Variants in KCNMA1 observed in about 807,000 individuals in gnomAD.
KCNMA1 encodes Calcium-activated potassium channel subunit alpha-1.
A neutral mutation model predicts 140.0 loss-of-function variants in KCNMA1; 29 were observed. The ratio of observed to expected loss-of-function variants is 0.21; its 90% CI spans 0.15 to 0.28. The LOEUF is 0.28. Among genes scored for constraint, KCNMA1 ranks in the 10% least tolerant of loss-of-function variants. The pLI, the probability that KCNMA1 is intolerant of heterozygous loss-of-function variation, is 1.00. For missense variants in KCNMA1, 880 were observed against 1,602.2 expected, an observed-to-expected ratio of 0.55 and a Z score of 7.70; for synonymous variants, 612 against 611.9, an observed-to-expected ratio of 1.00 and a Z score of 0.00.
chr10:77,554,753 G>A (rs577046659), intron 1 of KCNMA1, among the ~76,000 whole-genome samples: 2 of 152,238 alleles, frequency 1.3e-5, no homozygotes, highest in African/African-American at 2.4e-5. Flanking sequence ...AGGCCTTCCT[G>A]TTCCTGGAAA....
chr10:76,979,968 T>C (rs1430374724), intron 19 of KCNMA1: 1 of 152,210 alleles, frequency 6.6e-6, no homozygotes, highest in Non-Finnish European at 1.5e-5. Flanking sequence ...ATTTAGTATA[T>C]TTCTTAAGGG....
At chr10:77,494,702 G>A (rs1175804654) in intron 1 of KCNMA1, among the ~76,000 whole-genome samples, 1 of 152,204 alleles carries the variant, frequency 6.6e-6, no homozygotes, top group African/African-American at 2.4e-5. Context: ...GAATTCGTCT[G>A]CTGGGGCTGC....
intron 25 of KCNMA1, among the ~76,000 whole-genome samples, chr10:76,894,250 T>C (rs2041537171): frequency 6.6e-6 from 1 of 152,172 alleles, no homozygotes; most frequent in Admixed American, 6.5e-5. Flanking sequence ...TTTAAACAAA[T>C]GGCATAGCAA....
intron 15 of KCNMA1, among the ~76,000 whole-genome samples, chr10:77,028,447 C>G (rs1297725925): frequency 6.6e-6 from 1 of 152,112 alleles, no homozygotes; most frequent in Non-Finnish European, 1.5e-5. Flanking sequence ...GTGCTCTCGA[C>G]TGCAGAGCAG....
At chr10:77,207,224 C>T (rs565817103) in intron 3 of KCNMA1, among the ~76,000 whole-genome samples, 1 of 152,248 alleles carries the variant, frequency 6.6e-6, no homozygotes, top group East Asian at 1.9e-4. Flanking sequence ...ATAGAGGACT[C>T]TCCCTAAACA....
chr10:77,508,628 T>G (rs893293017), intron 1 of KCNMA1, among the ~76,000 whole-genome samples: 7 of 149,996 alleles, frequency 4.7e-5, no homozygotes, highest in African/African-American at 1.7e-4. Flanking sequence ...CTCTCTCTCT[T>G]TTTTTCTTTT....
rs957453002 is a variant in KCNMA1, at chr10:77,460,414, A to T, written c.379-56391T>A. 6.6e-5 allele frequency among the ~76,000 whole-genome samples: 10 copies of T among 152,180 alleles called. No homozygotes were observed. In the East Asian group the frequency reaches 1.9e-3, roughly 29 times the overall value. ...GTATCTACCGAAAGGAAATCATTAG[A>T]CCAAAAAAACACCTGCACTCATGTT... On this transcript the variant is annotated intron_variant, in intron 1 of 27. Coordinates refer to ENST00000286628, the MANE Select transcript of KCNMA1 (RefSeq NM_001161352.2).
At chr10:77,224,947 A>G (rs2154194524) in intron 3 of KCNMA1, among the ~76,000 whole-genome samples, 1 of 152,312 alleles carries the variant, frequency 6.6e-6, no homozygotes, top group East Asian at 1.9e-4. Flanking sequence ...CACTTGTCAG[A>G]TACCATGTGA....
chr10:77,335,428 A>T (rs1431330999), intron 2 of KCNMA1, among the ~76,000 whole-genome samples: 2 of 152,252 alleles, frequency 1.3e-5, no homozygotes, highest in Admixed American at 6.5e-5. Flanking sequence ...CTGGGGACTT[A>T]GAGTTGTTCT....
At position 77,097,168 on chromosome 10, in the gene KCNMA1, A is replaced by G. The variant is rs1036568446; in HGVS notation, c.1224-6658T>C. Among the ~76,000 whole-genome samples the G allele has an allele frequency of 3.3e-5, 5 of 152,122 alleles. No homozygotes were observed. In the East Asian group the frequency reaches 7.7e-4, roughly 23 times the overall value. On this transcript the variant is annotated intron_variant, in intron 9 of 27. Coordinates refer to ENST00000286628, the MANE Select transcript of KCNMA1 (RefSeq NM_001161352.2). Reference sequence around the variant, plus strand: ...TGCTTTTCTTGGCTACTTAGTCTTAATGCAGGTTTCCCTGATTTGGGGCAT... The same window carrying G: ...TGCTTTTCTTGGCTACTTAGTCTTAGTGCAGGTTTCCCTGATTTGGGGCAT...
chr10:76,931,754 C>T (rs1443095236), intron 23 of KCNMA1, among the ~76,000 whole-genome samples: 1 of 152,172 alleles, frequency 6.6e-6, no homozygotes, highest in Non-Finnish European at 1.5e-5. Context: ...AGGGGAAGCG[C>T]CCCATGCTCA....
intron 23 of KCNMA1, among the ~76,000 whole-genome samples, chr10:76,933,124 G>C (rs148032115): frequency 1.3e-5 from 2 of 152,330 alleles, no homozygotes; most frequent in African/African-American, 2.4e-5. Flanking sequence ...CTTGTCCAGT[G>C]CCCAGTTGTC....
chr10:77,060,166 CA>C (rs529158687), intron 14 of KCNMA1, among the ~76,000 whole-genome samples: 406 of 151,184 alleles, frequency 2.7e-3, no homozygotes, highest in Non-Finnish European at 4.1e-3. Context: ...AATACAATTC[CA>C]ATCAAAACAC....
intron 3 of KCNMA1, among the ~76,000 whole-genome samples, chr10:77,192,397 C>A (rs923589713): frequency 6.6e-6 from 1 of 152,098 alleles, no homozygotes; most frequent in Non-Finnish European, 1.5e-5. Context: ...TATTTCTTAT[C>A]CACGATAGAC....
intron 2 of KCNMA1, among the ~76,000 whole-genome samples, chr10:77,294,327 C>A (rs1448817499): frequency 1.3e-5 from 2 of 152,194 alleles, no homozygotes; most frequent in Non-Finnish European, 2.9e-5. Context: ...TGGACCTTGT[C>A]AGAGGCAGAA....
intron 14 of KCNMA1, among the ~76,000 whole-genome samples, chr10:77,059,643 C>A (rs2095665566): frequency 6.6e-6 from 1 of 152,032 alleles, no homozygotes; most frequent in Non-Finnish European, 1.5e-5. Context: ...TAGCAAAATT[C>A]AACCTCCATT....
chr10:77,365,788 C>T (rs1003599708), intron 2 of KCNMA1, among the ~76,000 whole-genome samples: 5 of 152,192 alleles, frequency 3.3e-5, no homozygotes. Flanking sequence ...TCAGCCCACT[C>T]ATCACACCTC....
intron 3 of KCNMA1, among the ~76,000 whole-genome samples, chr10:77,236,191 C>A (rs747040686): frequency 6.6e-6 from 1 of 152,164 alleles, no homozygotes; most frequent in Non-Finnish European, 1.5e-5. Flanking sequence ...TGTAGTCACA[C>A]ATTGATGCTG....
intron 5 of KCNMA1, among the ~76,000 whole-genome samples, chr10:77,179,700 G>A (rs1389235940): frequency 6.6e-6 from 1 of 152,104 alleles, no homozygotes; most frequent in East Asian, 1.9e-4. Context: ...ACCACATACT[G>A]GGGAATGCAC....
Sources: allele counts gnomAD v4.1 joint callset (sites outside exome capture counted in the v4.1 genomes callset), GRCh38; gene constraint gnomAD v4.1.1; transcripts MANE v1.5; gene names NCBI Gene and HGNC (gene_info 2026-07-23, HGNC 2026-07-21).